Variants in SKI observed in about 807,000 individuals in gnomAD.
The protein encoded by SKI is ski oncogene.
In SKI, 23 loss-of-function variants were observed where a neutral mutation model predicts 59.3. That is an observed-to-expected ratio of 0.39 (90% CI 0.28 to 0.55). The LOEUF is 0.55. Among genes scored for constraint, SKI ranks in the 20% least tolerant of loss-of-function variants. SKI has a pLI of 0.67. For missense variants in SKI, 1,017 were observed against 1,038.9 expected, an observed-to-expected ratio of 0.98 and a Z score of 0.29; for synonymous variants, 673 against 488.6, an observed-to-expected ratio of 1.38 and a Z score of -4.98.
At chr1:2,240,185 T>C (rs1638836899) in intron 1 of SKI, among the ~76,000 whole-genome samples, 1 of 152,224 alleles carries the variant, frequency 6.6e-6, no homozygotes, top group Non-Finnish European at 1.5e-5. Flanking sequence ...CCACAGAGGC[T>C]GCTGTCCTCC....
chr1:2,310,193 C>A lies in SKI; in HGVS notation c.*3428C>A, dbSNP rs1251487815. 6.6e-6 allele frequency: 1 copy of A among 152,060 alleles called. No homozygotes were observed. The highest frequency in any genetic ancestry group is 1.5e-5 in the Non-Finnish European group (1 of 68,018). The allele number at this position is 152,060 out of a possible 1,614,324, so 9.4% of individuals were successfully genotyped here. On this transcript the variant is annotated 3_prime_UTR_variant, in exon 7 of 7. Transcript: ENST00000378536. ...CGACCCCGAAACAGATGACATTGTA[C>A]AATAAAGGACTTTGAGAGGACCGCG...
chr1:2,300,834 C>T (rs372002943), intron 1 of SKI, among the ~76,000 whole-genome samples: 1 of 152,292 alleles, frequency 6.6e-6, no homozygotes, highest in African/African-American at 2.4e-5. Flanking sequence ...TGCCTCAACC[C>T]TCCAGATCTG....
At chr1:2,293,280 A>G (rs1339591645) in intron 1 of SKI, among the ~76,000 whole-genome samples, 2 of 152,108 alleles carry the variant, frequency 1.3e-5, no homozygotes, top group African/African-American at 4.8e-5. Context: ...TCGTGGTGGG[A>G]TCCACCGGCG....
In SKI at chr1:2,303,249, T is replaced by C; in HGVS notation, c.1096-36T>C. On this transcript the variant is annotated intron_variant, in intron 2 of 6. Transcript: ENST00000378536. This position sits in a 1 kb window ranked among gnomAD's most constrained non-coding sequence, Gnocchi z 5.6. ...AGGGACATGAAGTGGCTTGTTTTTC[T>C]CCTGGTCACTCACACAGACAACTCT... The C allele has an allele frequency of 6.2e-7, 1 of 1,608,592 alleles. No homozygotes were observed.
chr1:2,272,257 C>T (rs972393977), intron 1 of SKI, among the ~76,000 whole-genome samples: 2 of 152,254 alleles, frequency 1.3e-5, no homozygotes, highest in Admixed American at 1.3e-4. Context: ...AGCCTAGCTA[C>T]CAAGCTTAAA....
chr1:2,294,438 C>T (rs775590935), intron 1 of SKI, among the ~76,000 whole-genome samples: 13 of 152,368 alleles, frequency 8.5e-5, no homozygotes, highest in African/African-American at 2.9e-4. Flanking sequence ...TGGCCTCCCC[C>T]GTGCGGGGAT....
In SKI at chr1:2,307,090, A is replaced by G. The variant is rs1434408914; in HGVS notation, c.*325A>G. 5.5e-6 allele frequency: 1 copy of G among 181,574 alleles called. No homozygotes were observed. Among genetic ancestry groups the G allele is most frequent in the Non-Finnish European group, 1.1e-5 (1 of 87,406 alleles). 11.2% of individuals were successfully genotyped at this position (181,574 alleles called of 1,614,324 possible). Reference sequence around the variant, plus strand: ...ATTTAAAACCAGTAAGGAGACTTGAAATTCAGAAAATCAACACATTTTTAA... The same window carrying G: ...ATTTAAAACCAGTAAGGAGACTTGAGATTCAGAAAATCAACACATTTTTAA... On this transcript the variant is annotated 3_prime_UTR_variant, in exon 7 of 7. Coordinates refer to ENST00000378536, the MANE Select transcript of SKI (RefSeq NM_003036.4).
In SKI at chr1:2,302,930, C is replaced by T. The variant is rs771492358; in HGVS notation, c.970-48C>T. The T allele has an allele frequency of 6.2e-6, 10 of 1,612,772 alleles. No individual in the cohort carries two copies. In the South Asian group the frequency reaches 1.1e-4, roughly 18 times the overall value. On this transcript the variant is annotated intron_variant, in intron 1 of 6. Transcript: ENST00000378536. ...CCAGCCACGGGGCTGGTGGAGGGACCCTGCCCTGGGAACCACAGGTGCCAA... is the reference window on the plus strand; with the variant it reads ...CCAGCCACGGGGCTGGTGGAGGGACTCTGCCCTGGGAACCACAGGTGCCAA...
rs1471996539 is a variant in SKI at position 2,309,543 on chromosome 1, G to C, written c.*2778G>C. 4 of 151,874 alleles carry C rather than the reference G, an allele frequency of 2.6e-5. No individual in the cohort carries two copies. The highest frequency in any genetic ancestry group is 7.3e-5 in the African/African-American group (3 of 41,300). The allele number at this position is 151,874 out of a possible 1,614,324, so 9.4% of individuals were successfully genotyped here. On this transcript the variant is annotated 3_prime_UTR_variant, in exon 7 of 7. Transcript: ENST00000378536. ...TCTTTTCTTACCTGAGAGTTGTCTT[G>C]TTTTCTGGGCTGTTTTTAACTGAGG...
intron 1 of SKI, among the ~76,000 whole-genome samples, chr1:2,295,111 C>T (rs1165529821): frequency 6.6e-6 from 1 of 152,246 alleles, no homozygotes. Flanking sequence ...GGCTTTGTGG[C>T]AGGTGAGCGC....
At position 2,269,441 on chromosome 1, in the gene SKI, C is replaced by T. The variant is rs763940936; in HGVS notation, c.970-33537C>T. 2.6e-5 allele frequency among the ~76,000 whole-genome samples: 4 copies of T among 152,250 alleles called. No individual in the cohort carries two copies. Among genetic ancestry groups the T allele is most frequent in the Non-Finnish European group, 5.9e-5 (4 of 68,042 alleles). On this transcript the variant is annotated intron_variant, in intron 1 of 6. Coordinates refer to ENST00000378536, the MANE Select transcript of SKI (RefSeq NM_003036.4). The surrounding 1 kb of genome is among the most constrained non-coding windows in gnomAD (Gnocchi z 4.7). ...TAGGCCAAGCGGACACTGCGGGACA[C>T]GTTCCCCAACGTGGGATGTCCGTCC...
chr1:2,294,462 C>G (rs558300309), intron 1 of SKI, among the ~76,000 whole-genome samples: 1 of 152,346 alleles, frequency 6.6e-6, no homozygotes, highest in East Asian at 1.9e-4. Flanking sequence ...GGGACCAGGG[C>G]AGGCCCCAGA....
At chr1:2,244,357 C>A (rs1370659654) in intron 1 of SKI, among the ~76,000 whole-genome samples, 1 of 152,050 alleles carries the variant, frequency 6.6e-6, no homozygotes, top group Non-Finnish European at 1.5e-5. Context: ...GTGGGTGGAT[C>A]ACTTGAGGTC....
chr1:2,292,967 G>A (rs1557844729), intron 1 of SKI, among the ~76,000 whole-genome samples: 4 of 152,234 alleles, frequency 2.6e-5, no homozygotes. Context: ...ACTTCCTCCA[G>A]TCTCTGGGTG....
At position 2,229,681 on chromosome 1, in the gene SKI, C is replaced by A; in HGVS notation, c.915C>A (p.Asp305Glu). 3.7e-6 allele frequency: 6 copies of A among 1,604,524 alleles called. No individual in the cohort carries two copies. The highest frequency in any genetic ancestry group is 5.1e-6 in the Non-Finnish European group (6 of 1,176,274). ...EEQARLGRCL[D>E]DVKEKFDYGN... Reference sequence around the variant, plus strand: ...AGGCGCGCCTCGGCCGCTGCCTGGACGACGTGAAGGAGAAATTCGACTATG... The same window carrying A: ...AGGCGCGCCTCGGCCGCTGCCTGGAAGACGTGAAGGAGAAATTCGACTATG... Residue 305 changes from aspartate (D) to glutamate (E), a missense_variant, in exon 1 of 7, where the codon GAC becomes GAA. Asp to Glu is a conservative substitution (Grantham distance 45). Transcript: ENST00000378536. The surrounding 1 kb of genome is among the most constrained non-coding windows in gnomAD (Gnocchi z 6.3).
intron 1 of SKI, among the ~76,000 whole-genome samples, chr1:2,296,508 T>C (rs891940295): frequency 6.6e-6 from 1 of 152,256 alleles, no homozygotes; most frequent in Admixed American, 6.5e-5. Context: ...ATGCGGTTAC[T>C]GGATGTTAGT....
chr1:2,262,641 C>T (rs1252347356), intron 1 of SKI, among the ~76,000 whole-genome samples: 21 of 152,188 alleles, frequency 1.4e-4, no homozygotes, highest in Admixed American at 1.2e-3. Context: ...GTTGGGTTTT[C>T]GCCAGTGCCC....
chr1:2,305,204 G>C (rs762179529), intron 5 of SKI, among the ~76,000 whole-genome samples: 2 of 152,182 alleles, frequency 1.3e-5, no homozygotes, highest in Admixed American at 1.3e-4. Flanking sequence ...CTGCAGCTCC[G>C]GTCTCGCGCC....
At chr1:2,299,406 A>T (rs899919271) in intron 1 of SKI, among the ~76,000 whole-genome samples, 2 of 152,156 alleles carry the variant, frequency 1.3e-5, no homozygotes, top group African/African-American at 4.8e-5. Context: ...TTGTTAGGAC[A>T]TGTGCAGACT....
Sources: gnomAD v4.1 joint callset for allele counts (sites outside exome capture counted in the v4.1 genomes callset) on GRCh38, gnomAD v4.1.1 for gene constraint, Gnocchi (gnomAD v3.1) non-coding constraint, MANE v1.5 for transcripts, NCBI Gene and HGNC (gene_info 2026-07-23, HGNC 2026-07-21) for gene names.